GTF2E1: variants seen among roughly 807,000 people sequenced by gnomAD.
The protein encoded by GTF2E1 is TFIIE alpha subunit.
GTF2E1 carries 14 observed loss-of-function variants against 34.9 expected under a neutral mutation model. The observed-to-expected ratio is 0.40, with a 90% CI of 0.27 to 0.63. The LOEUF (loss-of-function observed/expected upper bound fraction) is 0.63. Among genes scored for constraint, GTF2E1 ranks in the 20% least tolerant of loss-of-function variants. The pLI, the probability that GTF2E1 is intolerant of heterozygous loss-of-function variation, is 0.39. For missense variants in GTF2E1, 469 were observed against 557.7 expected (o/e 0.84, Z 1.60); for synonymous variants, 188 against 192.9 (o/e 0.97, Z 0.21).
chr3:120,768,333 C>T (rs1709325717), intron 2 of GTF2E1, among the ~76,000 whole-genome samples: 2 of 152,096 alleles, frequency 1.3e-5, no homozygotes, highest in African/African-American at 4.8e-5. Context: ...GTAGAGGGCA[C>T]AGCAGTGCAA....
intron 1 of GTF2E1, among the ~76,000 whole-genome samples, chr3:120,748,571 C>G (rs1256583694): frequency 6.6e-6 from 1 of 152,070 alleles, no homozygotes; most frequent in Non-Finnish European, 1.5e-5. Context: ...AGATATGCAG[C>G]GTTATTTCTG....
chr3:120,773,881 A>G (rs750448272), intron 3 of GTF2E1, among the ~76,000 whole-genome samples: 1 of 152,194 alleles, frequency 6.6e-6, no homozygotes, highest in Non-Finnish European at 1.5e-5. Context: ...CTATGACAGA[A>G]TACTAAAAAC....
At chr3:120,758,057 G>T (rs1709224580) in intron 2 of GTF2E1, among the ~76,000 whole-genome samples, 1 of 152,146 alleles carries the variant, frequency 6.6e-6, no homozygotes, top group Non-Finnish European at 1.5e-5. Flanking sequence ...CTACTCCGGA[G>T]GCTGAGGCAC....
At chr3:120,773,743 T>A (rs1709375473) in intron 3 of GTF2E1, among the ~76,000 whole-genome samples, 1 of 152,178 alleles carries the variant, frequency 6.6e-6, no homozygotes, top group Non-Finnish European at 1.5e-5. Flanking sequence ...TTAAATAATA[T>A]AAAAAGATTC....
chr3:120,763,485 G>C (rs73183719), intron 2 of GTF2E1, among the ~76,000 whole-genome samples: 3,244 of 152,244 alleles, frequency 0.021, 55 homozygotes, highest in Middle Eastern at 0.054. Context: ...GTGGTTGGAT[G>C]TTTACAGTGC....
intron 2 of GTF2E1, among the ~76,000 whole-genome samples, chr3:120,752,164 A>G (rs1709169584): frequency 6.6e-6 from 1 of 152,208 alleles, no homozygotes; most frequent in Admixed American, 6.5e-5. Context: ...ATTGTATTAA[A>G]CATTTAATTT....
At chr3:120,777,703 C>T (rs1364157598) in intron 4 of GTF2E1, among the ~76,000 whole-genome samples, 1 of 151,760 alleles carries the variant, frequency 6.6e-6, no homozygotes, top group East Asian at 1.9e-4. Flanking sequence ...CATACTTTAC[C>T]CTCCTTCTTC....
In GTF2E1 at chr3:120,776,619, G is replaced by A; in HGVS notation, c.847G>A (p.Glu283Lys). 2 of 1,613,850 alleles carry A rather than the reference G, an allele frequency of 1.2e-6. No homozygotes were observed. Among genetic ancestry groups the A allele is most frequent in the Non-Finnish European group, 1.7e-6 (2 of 1,179,814 alleles). The change falls in exon 4 of 5, where the codon GAA (glutamate) becomes AAA (lysine). Residue 283 changes from glutamate (E) to lysine (K), a missense_variant. Transcript: ENST00000283875. ...CAAAGAGAGGCCTATTTGGTTGAGA[G>A]AAAGCACTGTCCAAGGGGCATATGG... is the stretch of plus-strand genomic sequence containing the variant. ...SAKERPIWLRESTVQGAYGSE... is the reference protein window; with the variant it reads ...SAKERPIWLRKSTVQGAYGSE...
intron 2 of GTF2E1, among the ~76,000 whole-genome samples, chr3:120,763,497 G>A (rs1709282106): frequency 6.6e-6 from 1 of 152,154 alleles, no homozygotes; most frequent in Non-Finnish European, 1.5e-5. Flanking sequence ...TTACAGTGCA[G>A]TAAAATTAAT....
Position 120,742,765 on chromosome 3 carries a change from T to A in GTF2E1, c.-60T>A. On this transcript the variant is annotated 5_prime_UTR_variant, in exon 1 of 5. Transcript: ENST00000283875. ...CGGTAGTTGAAGCGCTGGGGGCAGC[T>A]GTAGTGGGAGTGTTCCAGGATTCGC... 1 of 543,996 alleles carries A rather than the reference T, an allele frequency of 1.8e-6. No individual in the cohort carries two copies. The highest frequency in any genetic ancestry group is 3.3e-6 in the Non-Finnish European group (1 of 301,776). 33.7% of individuals were successfully genotyped at this position (543,996 alleles called of 1,614,324 possible).
intron 3 of GTF2E1, among the ~76,000 whole-genome samples, chr3:120,771,437 G>T (rs1464740187): frequency 2.6e-5 from 4 of 152,054 alleles, no homozygotes; most frequent in African/African-American, 9.7e-5. Context: ...ATTTTTATCA[G>T]TGTTCCCTAA....
intron 3 of GTF2E1, among the ~76,000 whole-genome samples, chr3:120,775,384 G>A (rs761691496): frequency 5.3e-5 from 8 of 152,172 alleles, no homozygotes; most frequent in Non-Finnish European, 1.2e-4. Context: ...GGTTTGGAGT[G>A]AGCAGGCAGT....
intron 4 of GTF2E1, among the ~76,000 whole-genome samples, chr3:120,777,796 G>C (rs992514573): frequency 1.3e-5 from 2 of 152,200 alleles, no homozygotes; most frequent in Admixed American, 6.5e-5. Context: ...TGCGATCTTG[G>C]CTCACTGAAA....
intron 3 of GTF2E1, among the ~76,000 whole-genome samples, chr3:120,772,276 G>A (rs1444059263): frequency 6.6e-6 from 1 of 152,110 alleles, no homozygotes; most frequent in Non-Finnish European, 1.5e-5. Context: ...ACCAGCAGCT[G>A]GCAAAGGAAA....
chr3:120,769,374 C>A (rs1394211092), intron 2 of GTF2E1, among the ~76,000 whole-genome samples: 1 of 152,104 alleles, frequency 6.6e-6, no homozygotes, highest in African/African-American at 2.4e-5. Context: ...AAGCCACATA[C>A]CATGGGGAAA....
At chr3:120,744,354 G>A (rs1241190543) in intron 1 of GTF2E1, among the ~76,000 whole-genome samples, 1 of 152,162 alleles carries the variant, frequency 6.6e-6, no homozygotes, top group Admixed American at 6.5e-5. Flanking sequence ...TCAGGAAGGA[G>A]GATTTTAGAA....
chr3:120,758,284 A>G (rs1353286233), intron 2 of GTF2E1, among the ~76,000 whole-genome samples: 1 of 152,102 alleles, frequency 6.6e-6, no homozygotes, highest in Non-Finnish European at 1.5e-5. Flanking sequence ...ACTCCCACCA[A>G]TTTTCTCTGT....
intron 3 of GTF2E1, among the ~76,000 whole-genome samples, chr3:120,773,733 TTAAA>T (rs1709375372): frequency 6.6e-6 from 1 of 152,164 alleles, no homozygotes; most frequent in African/African-American, 2.4e-5. Context: ...CTAAAATTTA[TTAAA>T]TAATATAAAA....
At chr3:120,772,482 A>C (rs1478998399) in intron 3 of GTF2E1, among the ~76,000 whole-genome samples, 1 of 152,062 alleles carries the variant, frequency 6.6e-6, no homozygotes, top group African/African-American at 2.4e-5. Context: ...CTGGTTATTT[A>C]TTTCTTTTTG....
Sources: allele counts gnomAD v4.1 joint callset (sites outside exome capture counted in the v4.1 genomes callset), GRCh38; gene constraint gnomAD v4.1.1; transcripts MANE v1.5; gene names NCBI Gene and HGNC (gene_info 2026-07-23, HGNC 2026-07-21).